The following CACNA2D3 variants were observed in gnomAD, a reference collection of about 807,000 sequenced individuals.
The protein encoded by CACNA2D3 is voltage-dependent calcium channel subunit alpha-2/delta-3.
Under a neutral mutation model 160.6 loss-of-function variants are expected in CACNA2D3, and 60 were observed. That is an observed-to-expected ratio of 0.37 (90% CI 0.30 to 0.46). CACNA2D3 has a LOEUF of 0.46. CACNA2D3 is among the 20% of genes least tolerant of loss of function. CACNA2D3 has a pLI of 1.00. For missense variants in CACNA2D3, 1,205 were observed against 1,365.0 expected (o/e 0.88, Z 1.85); for synonymous variants, 558 against 492.9 (o/e 1.13, Z -1.75).
rs190020219 is a variant in CACNA2D3 at position 54,310,598 on chromosome 3, G to A, written c.205-9844G>A. On this transcript the variant is annotated intron_variant, in intron 2 of 37. Transcript: ENST00000474759. ...GAAGAGTCCTTGGAGCCTTGTGAAT[G>A]TATTAGAAAAATGCCATTGCCCAGA... 2.0e-4 allele frequency among the ~76,000 whole-genome samples: 31 copies of A among 152,128 alleles called. 1 individual carries two copies. Among genetic ancestry groups the A allele is most frequent in the African/African-American group, 7.5e-4 (31 of 41,432 alleles).
chr3:54,803,755 A>G (rs1462153689), intron 13 of CACNA2D3, among the ~76,000 whole-genome samples: 1 of 152,236 alleles, frequency 6.6e-6, no homozygotes, highest in Non-Finnish European at 1.5e-5. Context: ...CATAATTGTC[A>G]GATTCACCAA....
At chr3:54,622,978 C>T (rs1453844904) in intron 9 of CACNA2D3, among the ~76,000 whole-genome samples, 1 of 152,122 alleles carries the variant, frequency 6.6e-6, no homozygotes, top group Non-Finnish European at 1.5e-5. Context: ...GGAGGAGGGG[C>T]ATAGGGGAGA....
At chr3:54,830,392 C>T (rs919277705) in intron 14 of CACNA2D3, among the ~76,000 whole-genome samples, 3 of 151,998 alleles carry the variant, frequency 2.0e-5, no homozygotes, top group South Asian at 2.1e-4. Context: ...TGTTGATAAC[C>T]GCCGGTCTTT....
At chr3:54,844,639 T>TA (rs1698896094) in intron 16 of CACNA2D3, among the ~76,000 whole-genome samples, 1 of 152,138 alleles carries the variant, frequency 6.6e-6, no homozygotes, top group South Asian at 2.1e-4. Context: ...TCATGAAACT[T>TA]ACATTCTGGT....
intron 4 of CACNA2D3, among the ~76,000 whole-genome samples, chr3:54,488,813 A>G (rs148824934): frequency 1.4e-4 from 22 of 152,234 alleles, no homozygotes; most frequent in African/African-American, 4.8e-4. Flanking sequence ...CAACTGAGTA[A>G]TCACTCAGAT....
chr3:54,556,840 A>G (rs1702248803), intron 5 of CACNA2D3, among the ~76,000 whole-genome samples: 1 of 152,206 alleles, frequency 6.6e-6, no homozygotes, highest in Admixed American at 6.5e-5. Context: ...ACACCCCAGC[A>G]TGACGTTTGC....
At chr3:54,410,495 C>T (rs1385754135) in intron 4 of CACNA2D3, among the ~76,000 whole-genome samples, 1 of 152,166 alleles carries the variant, frequency 6.6e-6, no homozygotes, top group African/African-American at 2.4e-5. Flanking sequence ...TCCAAGAACC[C>T]TAGGGCCCTT....
chr3:55,041,116 T>C (rs1165928203), intron 35 of CACNA2D3, among the ~76,000 whole-genome samples: 1 of 152,210 alleles, frequency 6.6e-6, no homozygotes. Context: ...ATTTCCCTCA[T>C]TCTGTTTCAA....
At chr3:54,436,707 C>G (rs1032170278) in intron 4 of CACNA2D3, among the ~76,000 whole-genome samples, 1 of 152,162 alleles carries the variant, frequency 6.6e-6, no homozygotes, top group Non-Finnish European at 1.5e-5. Context: ...CGTGTTCTCA[C>G]TCATAAGTGG....
In CACNA2D3 at chr3:54,289,991, G is replaced by A. The variant is rs1195265003; in HGVS notation, c.205-30451G>A. Among the ~76,000 whole-genome samples the A allele has an allele frequency of 1.5e-4, 22 of 151,472 alleles. 1 individual carries two copies. The South Asian group carries it at 2.5e-3, about 17-fold the overall frequency. ...CGTAGGCATTACCATTCAGGACATAGGCATGGGCAAGGACTTCATGTCTAA... is the reference window on the plus strand; with the variant it reads ...CGTAGGCATTACCATTCAGGACATAAGCATGGGCAAGGACTTCATGTCTAA... On this transcript the variant is annotated intron_variant, in intron 2 of 37. Transcript: ENST00000474759.
intron 35 of CACNA2D3, among the ~76,000 whole-genome samples, chr3:55,073,116 T>A (rs1014648340): frequency 3.5e-4 from 53 of 152,126 alleles, no homozygotes; most frequent in Admixed American, 2.8e-3. Context: ...AGAAGGAAAT[T>A]AGGCTTTGAA....
At chr3:54,294,391 C>G (rs948095396) in intron 2 of CACNA2D3, among the ~76,000 whole-genome samples, 14 of 152,196 alleles carry the variant, frequency 9.2e-5, no homozygotes, top group Admixed American at 9.2e-4. Flanking sequence ...AAGAAGACGT[C>G]TGTGCTGTCC....
At chr3:55,020,746 G>A (rs144853700) in intron 35 of CACNA2D3, among the ~76,000 whole-genome samples, 1,748 of 151,834 alleles carry the variant, frequency 0.012, 32 homozygotes, top group African/African-American at 0.039. Context: ...AACTACTCGG[G>A]AGATTGAGAC....
intron 2 of CACNA2D3, among the ~76,000 whole-genome samples, chr3:54,211,758 T>C (rs1701376046): frequency 6.6e-6 from 1 of 152,218 alleles, no homozygotes; most frequent in Non-Finnish European, 1.5e-5. Context: ...TAAACATCTA[T>C]GAATTAATGC....
At chr3:54,879,913 T>G (rs545271822) in intron 20 of CACNA2D3, among the ~76,000 whole-genome samples, 2 of 152,376 alleles carry the variant, frequency 1.3e-5, no homozygotes, top group South Asian at 4.1e-4. Context: ...AAAATGGCTT[T>G]GCCTCATTGG....
chr3:54,252,100 G>GTTTTTTTTTTTTTTT lies in CACNA2D3; in HGVS notation c.205-68328_205-68327insTTTTTTTTTTTTTTT, dbSNP rs548233026. 4.4e-3 allele frequency among the ~76,000 whole-genome samples: 537 copies of GTTTTTTTTTTTTTTT among 120,870 alleles called. 16 individuals are homozygous for GTTTTTTTTTTTTTTT. Among genetic ancestry groups the GTTTTTTTTTTTTTTT allele is most frequent in the African/African-American group, 5.9e-3 (173 of 29,184 alleles). The allele number at this position is 120,870 out of a possible 152,430, so 79.3% of individuals were successfully genotyped here. A position where few individuals can be genotyped will look rare whatever the true frequency, so the allele number is the denominator to read the frequency against. ...TCCAATTTCTCTTTTTGCAGAGCTA[G>GTTTTTTTTTTTTTTT]TTTTTTTTTTTTTTGTACGATACTC... On this transcript the variant is annotated intron_variant, in intron 2 of 37. Transcript: ENST00000474759.
Position 55,004,797 on chromosome 3 carries a change from G to A in CACNA2D3, c.2725G>A (p.Ala909Thr), listed in dbSNP as rs1239457846. 1.2e-6 allele frequency: 2 copies of A among 1,613,100 alleles called. No homozygotes were observed. Among genetic ancestry groups the A allele is most frequent in the Non-Finnish European group, 8.5e-7 (1 of 1,179,516 alleles). Residue 909 changes from alanine (A) to threonine (T), a missense_variant, in exon 32 of 38, where the codon GCC becomes ACC. Ala to Thr is a moderately conservative substitution (Grantham distance 58, BLOSUM62 0). This residue lies in a region of CACNA2D3 where 911 missense variants were observed against 1,002.2 expected (regional missense o/e 0.91). Transcript: ENST00000474759. The part of the protein sequence containing the change: ...TLYDYQAMCR[A>T]NKESSDGAHG... ...TTATGACTACCAAGCCATGTGTAGA[G>A]CCAACAAGGAAAGCAGCGATGGCGC...
At chr3:54,511,279 A>C (rs2106961700) in intron 5 of CACNA2D3, among the ~76,000 whole-genome samples, 1 of 151,702 alleles carries the variant, frequency 6.6e-6, no homozygotes, top group Admixed American at 6.5e-5. Flanking sequence ...CTGTTAGATT[A>C]TTCATCACAT....
At chr3:54,299,366 ACT>A (rs1482971951) in intron 2 of CACNA2D3, among the ~76,000 whole-genome samples, 3 of 151,826 alleles carry the variant, frequency 2.0e-5, no homozygotes. Flanking sequence ...TAGCCTAGCC[ACT>A]CTCTCTTCTG....
Sources: allele counts gnomAD v4.1 joint callset (sites outside exome capture counted in the v4.1 genomes callset), GRCh38; gene constraint gnomAD v4.1.1; regional missense constraint gnomAD v4.1.1; transcripts MANE v1.5; gene names NCBI Gene and HGNC (gene_info 2026-07-23, HGNC 2026-07-21).